Variants in MCUR1 observed in about 807,000 individuals in gnomAD.
MCUR1 encodes MCU regulator 1.
Under a neutral mutation model 42.0 loss-of-function variants are expected in MCUR1, and 37 were observed. The observed-to-expected ratio is 0.88, with a 90% CI of 0.68 to 1.16. The LOEUF (loss-of-function observed/expected upper bound fraction) is 1.16, where lower values mean the gene tolerates loss of function less well. Ranked by LOEUF, MCUR1 falls within the 50% of genes most tolerant of loss-of-function variation. The pLI is 0.00. For synonymous variants in MCUR1, 229 were observed against 196.2 expected (o/e 1.17, Z -1.40); for missense variants, 469 against 468.4 (o/e 1.00, Z -0.01).
Position 13,786,904 on chromosome 6 carries a change from C to G in MCUR1, c.*3905G>C, listed in dbSNP as rs749067595. On this transcript the variant is annotated 3_prime_UTR_variant, in exon 9 of 9. Coordinates refer to ENST00000379170, the MANE Select transcript of MCUR1 (RefSeq NM_001031713.4). ...AATAAAATTCTAATAAAAGGCTAAACATTCTCAAATATTTTACATACATGA... is the reference window on the plus strand; with the variant it reads ...AATAAAATTCTAATAAAAGGCTAAAGATTCTCAAATATTTTACATACATGA... 6.6e-6 allele frequency: 1 copy of G among 152,076 alleles called. No homozygotes were observed. The highest frequency in any genetic ancestry group is 6.6e-5 in the Admixed American group (1 of 15,266). 9.4% of individuals were successfully genotyped at this position (152,076 alleles called of 1,614,324 possible).
Position 13,810,258 on chromosome 6 carries a change from TTG to T in MCUR1, c.416-3216_416-3215del, listed in dbSNP as rs1405548860. 3.9e-5 allele frequency among the ~76,000 whole-genome samples: 6 copies of T among 152,134 alleles called. No individual in the cohort carries two copies. The East Asian group carries it at 5.8e-4, about 15-fold the overall frequency. On this transcript the variant is annotated intron_variant, in intron 1 of 8. Coordinates refer to ENST00000379170, the MANE Select transcript of MCUR1 (RefSeq NM_001031713.4). ...CAATATTTGAGTTGCCAATTTTTAA[TTG>T]TGTCATGAAAGAACTTTTAAATATA...
In MCUR1 at chr6:13,790,161, C is replaced by G. The variant is rs3734668; in HGVS notation, c.*648G>C. 44,174 of 152,006 alleles carry G rather than the reference C, an allele frequency of 0.29. 6,827 individuals carry two copies. Among genetic ancestry groups the G allele is most frequent in the African/African-American group, 0.39 (16,099 of 41,426 alleles). The allele number at this position is 152,006 out of a possible 1,614,324, so 9.4% of individuals were successfully genotyped here. A position where few individuals can be genotyped will look rare whatever the true frequency, so the allele number is the denominator to read the frequency against. ...CCATTGTGCCCTGAACATGGAGACC[C>G]CCAAATCCTCTATGTGCCAAAGATT... On this transcript the variant is annotated 3_prime_UTR_variant, in exon 9 of 9. Transcript: ENST00000379170.
chr6:13,800,552 A>G, intron 4 of MCUR1, among the ~76,000 whole-genome samples, 170 bp from the exon 5 acceptor site: 1 of 152,244 alleles, frequency 6.6e-6, no homozygotes. Flanking sequence ...ATCAGTTTGA[A>G]TTCATCTTGA....
intron 6 of MCUR1, among the ~76,000 whole-genome samples, chr6:13,795,788 G>A (rs561499537): frequency 2.0e-5 from 3 of 152,214 alleles, no homozygotes; most frequent in African/African-American, 4.8e-5. Context: ...TACAGTGTAC[G>A]CTGCTAGGGT....
intron 2 of MCUR1, among the ~76,000 whole-genome samples, chr6:13,805,747 T>A (rs147952302): frequency 3.3e-5 from 5 of 152,328 alleles, no homozygotes; most frequent in South Asian, 2.1e-4. Context: ...GCAAATTTAT[T>A]TCACAAGCAT....
chr6:13,791,766 T>G lies in MCUR1; in HGVS notation c.1024+112A>C, dbSNP rs192084560. On this transcript the variant is annotated intron_variant, in intron 8 of 8. Transcript: ENST00000379170. ...AAGATGCTTTCCAATTTCAGAGATG[T>G]TAAAATATTTCAGAAAGTGTTGGAA... is the stretch of plus-strand genomic sequence containing the variant. 3 of 692,548 alleles carry G rather than the reference T, an allele frequency of 4.3e-6. No homozygotes were observed. In the African/African-American group the frequency reaches 5.5e-5, roughly 13 times the overall value. 42.9% of individuals were successfully genotyped at this position (692,548 alleles called of 1,614,324 possible).
rs1050270809 is a variant in MCUR1 at position 13,814,203 on chromosome 6, G to A, written c.227C>T (p.Pro76Leu). Residue 76 changes from proline (P) to leucine (L), a missense_variant, in exon 1 of 9, where the codon CCC (proline) becomes CTC (leucine). By Grantham distance (98) the Pro-to-Leu change is moderately conservative (BLOSUM62 -3). Coordinates refer to ENST00000379170, the MANE Select transcript of MCUR1 (RefSeq NM_001031713.4). ...GGCTGCGGCGGCCAAGCGCGGGGAG[G>A]GCACTAGCAGGAGGAGGAGCAGCGG... Reference protein sequence around the residue: ...ASPLLLLLLVPSPRLAAAAPR... With the variant: ...ASPLLLLLLVLSPRLAAAAPR... The A allele has an allele frequency of 9.2e-6, 13 of 1,416,232 alleles. No homozygotes were observed. The highest frequency in any genetic ancestry group is 1.2e-5 in the Non-Finnish European group (13 of 1,093,422). 87.7% of individuals were successfully genotyped at this position (1,416,232 alleles called of 1,614,324 possible). A position where few individuals can be genotyped will look rare whatever the true frequency, so the allele number is the denominator to read the frequency against.
intron 1 of MCUR1, among the ~76,000 whole-genome samples, chr6:13,808,118 G>C (rs1760151382): frequency 6.6e-6 from 1 of 152,304 alleles, no homozygotes; most frequent in South Asian, 2.1e-4. Flanking sequence ...TCTGATAAAA[G>C]AATGAGTTTG....
At chr6:13,813,514 G>C (rs554439828) in intron 1 of MCUR1, among the ~76,000 whole-genome samples, 8 of 152,308 alleles carry the variant, frequency 5.3e-5, no homozygotes, top group Admixed American at 3.9e-4. Context: ...TTTGTGGACT[G>C]ATATATCTCA....
At chr6:13,810,182 G>A (rs1315449360) in intron 1 of MCUR1, among the ~76,000 whole-genome samples, 4 of 151,520 alleles carry the variant, frequency 2.6e-5, no homozygotes, top group Non-Finnish European at 5.9e-5. Context: ...CAGCCTAGGT[G>A]ACACAGCGAG....
At position 13,793,967 on chromosome 6, in the gene MCUR1, TG is replaced by T; in HGVS notation, c.856-21del. ...TGAATACTGAAATAAACACGTAACA[TG>T]GGTCAGATTCTGATCTACTCCTCTC... On this transcript the variant is annotated intron_variant, in intron 6 of 8. Transcript: ENST00000379170. 2 of 1,611,790 alleles carry T rather than the reference TG, an allele frequency of 1.2e-6. No individual in the cohort carries two copies. Among genetic ancestry groups the T allele is most frequent in the Non-Finnish European group, 1.7e-6 (2 of 1,178,576 alleles).
intron 6 of MCUR1, 26 bp downstream of exon 6, chr6:13,798,807 A>C: frequency 6.4e-7 from 1 of 1,566,350 alleles, no homozygotes; most frequent in Non-Finnish European, 8.8e-7. Context: ...ATTAATTCAT[A>C]ATGTGTTTTT....
rs532513974 is a variant in MCUR1, at chr6:13,788,980, A to G, written c.*1829T>C. On this transcript the variant is annotated 3_prime_UTR_variant, in exon 9 of 9. Transcript: ENST00000379170. ...CAATGTGGTTGGAACAGTGACAACG[A>G]GCAATGTATTCACCAAACTGATCAA... 12 of 152,364 alleles carry G rather than the reference A, an allele frequency of 7.9e-5. No homozygotes were observed. The East Asian group carries it at 1.5e-3, about 20-fold the overall frequency. 9.4% of individuals were successfully genotyped at this position (152,364 alleles called of 1,614,324 possible).
chr6:13,811,799 CA>C (rs1760240453), intron 1 of MCUR1, among the ~76,000 whole-genome samples: 1 of 152,108 alleles, frequency 6.6e-6, no homozygotes, highest in Non-Finnish European at 1.5e-5. Context: ...TCCTCACCCC[CA>C]CCCCCACATA....
chr6:13,809,487 C>T (rs1267821612), intron 1 of MCUR1, among the ~76,000 whole-genome samples: 1 of 152,086 alleles, frequency 6.6e-6, no homozygotes, highest in African/African-American at 2.4e-5. Flanking sequence ...GTGCATTTAG[C>T]CACAGATCCA....
intron 6 of MCUR1, among the ~76,000 whole-genome samples, chr6:13,795,925 A>C (rs1246030376): frequency 6.6e-6 from 1 of 152,204 alleles, no homozygotes; most frequent in Admixed American, 6.5e-5. Context: ...TATAAGAACA[A>C]TTCATAGTCA....
intron 2 of MCUR1, among the ~76,000 whole-genome samples, chr6:13,804,615 A>C (rs946102238): frequency 6.6e-6 from 1 of 151,736 alleles, no homozygotes; most frequent in Admixed American, 6.6e-5. Context: ...TCTACTAAAA[A>C]TACAAAAAAT....
At position 13,814,457 on chromosome 6, in the gene MCUR1, G is replaced by C; in HGVS notation, c.-28C>G. ...CCGAGCAGTTCACTGGCCCGGGCGC[G>C]CGCTCATGCCTCTCGCTTTTGGCGC... On this transcript the variant is annotated 5_prime_UTR_variant, in exon 1 of 9. Coordinates refer to ENST00000379170, the MANE Select transcript of MCUR1 (RefSeq NM_001031713.4). 1 of 1,475,262 alleles carries C rather than the reference G, an allele frequency of 6.8e-7. No individual in the cohort carries two copies. The highest frequency in any genetic ancestry group is 8.9e-7 in the Non-Finnish European group (1 of 1,123,256). 91.4% of individuals were successfully genotyped at this position (1,475,262 alleles called of 1,614,324 possible). A position where few individuals can be genotyped will look rare whatever the true frequency, so the allele number is the denominator to read the frequency against.
intron 6 of MCUR1, among the ~76,000 whole-genome samples, chr6:13,796,931 GT>G (rs938343382): frequency 6.6e-6 from 1 of 152,142 alleles, no homozygotes; most frequent in African/African-American, 2.4e-5. Context: ...AACCAAAAGA[GT>G]TTCTCCTCTT....
Sources: gnomAD v4.1 joint callset for allele counts (sites outside exome capture counted in the v4.1 genomes callset) on GRCh38, gnomAD v4.1.1 for gene constraint, MANE v1.5 for transcripts, NCBI Gene and HGNC (gene_info 2026-07-23, HGNC 2026-07-21) for gene names.